PARP16: variants seen among roughly 807,000 people sequenced by gnomAD.
PARP16 encodes the protein poly(ADP-ribose) polymerase family member 16.
A neutral mutation model predicts 35.0 loss-of-function variants in PARP16; 31 were observed. That is an observed-to-expected ratio of 0.88 (90% confidence interval 0.66 to 1.19). PARP16 has a LOEUF of 1.19. Ranked by LOEUF, PARP16 falls within the 50% of genes most tolerant of loss-of-function variation. The pLI is 0.00. For missense variants in PARP16, 424 were observed against 411.2 expected, an observed-to-expected ratio of 1.03 and a Z score of -0.27; for synonymous variants, 162 against 169.5, an observed-to-expected ratio of 0.96 and a Z score of 0.34.
chr15:65,245,857 C>T (rs977152564), intron 3 of PARP16, among the ~76,000 whole-genome samples: 1 of 152,130 alleles, frequency 6.6e-6, no homozygotes, highest in Admixed American at 6.5e-5. Flanking sequence ...TTACTTTGGC[C>T]ACAACCCATT....
downstream of PARP16, among the ~76,000 whole-genome samples, chr15:65,257,829 C>T (rs1346718235): frequency 2.0e-5 from 3 of 152,108 alleles, no homozygotes; most frequent in Non-Finnish European, 2.9e-5. Flanking sequence ...GTCCATCTGC[C>T]CACCTTGCAG....
intron 1 of PARP16, among the ~76,000 whole-genome samples, chr15:65,279,797 A>G (rs2090364210): frequency 6.6e-6 from 1 of 152,178 alleles, no homozygotes; most frequent in Non-Finnish European, 1.5e-5. Context: ...TATTATCTGT[A>G]AGGAAACAAA....
Position 65,236,843 on chromosome 15 carries a change from G to A in PARP16, c.*98-2020C>T, listed in dbSNP as rs554847618. Reference sequence around the variant, plus strand: ...AAAAATTAGCTGGATGTGGTGGCGGGCACCTGTAGTCCCAGCTACTCGGGA... The same window carrying A: ...AAAAATTAGCTGGATGTGGTGGCGGACACCTGTAGTCCCAGCTACTCGGGA... On this transcript the variant is annotated intron_variant and NMD_transcript_variant, in intron 3 of 3. Transcript: ENST00000559805. Among the ~76,000 whole-genome samples the A allele has an allele frequency of 9.2e-5, 14 of 152,052 alleles. No homozygotes were observed. The South Asian group carries it at 2.9e-3, about 32-fold the overall frequency.
At chr15:65,273,775 C>T (rs1228712479) in intron 1 of PARP16, among the ~76,000 whole-genome samples, 3 of 151,364 alleles carry the variant, frequency 2.0e-5, no homozygotes, top group Non-Finnish European at 2.9e-5. Flanking sequence ...ACTCGGGAGG[C>T]TGAGGCAGGA....
intron 3 of PARP16, among the ~76,000 whole-genome samples, chr15:65,237,471 C>G (rs961556180): frequency 6.6e-6 from 1 of 152,042 alleles, no homozygotes. Context: ...GGAGGACATC[C>G]TGGATTATCT....
intron 2 of PARP16, among the ~76,000 whole-genome samples, chr15:65,266,991 C>T (rs866743205): frequency 6.6e-6 from 1 of 152,072 alleles, no homozygotes; most frequent in African/African-American, 2.4e-5. Flanking sequence ...CCTGTAATCC[C>T]AAAACTTTGG....
chr15:65,261,157 T>G, intron 4 of PARP16, 131 bp from the exon 5 acceptor site: 1 of 730,352 alleles, frequency 1.4e-6, no homozygotes, highest in Non-Finnish European at 2.2e-6. Context: ...AACAGACCTG[T>G]GTGTGCATGA....
At chr15:65,236,608 G>T (rs879907467) in intron 3 of PARP16, among the ~76,000 whole-genome samples, 1 of 152,238 alleles carries the variant, frequency 6.6e-6, no homozygotes, top group South Asian at 2.1e-4. Context: ...AAACAAGACC[G>T]CAGTGGTGGG....
chr15:65,270,530 T>G (rs1374310442), intron 2 of PARP16, among the ~76,000 whole-genome samples: 1 of 152,190 alleles, frequency 6.6e-6, no homozygotes, highest in Non-Finnish European at 1.5e-5. Context: ...CAGTGCTTGT[T>G]AAATAAAGTG....
chr15:65,256,724 T>G (rs550718899), downstream of PARP16, among the ~76,000 whole-genome samples: 1 of 152,122 alleles, frequency 6.6e-6, no homozygotes, highest in East Asian at 1.9e-4. Flanking sequence ...GCTTTTAAAG[T>G]CTTTCAAGAT....
chr15:65,264,064 G>C (rs1005343262), intron 3 of PARP16, among the ~76,000 whole-genome samples: 2 of 152,196 alleles, frequency 1.3e-5, no homozygotes, highest in South Asian at 4.2e-4. Flanking sequence ...CAAAATGAGG[G>C]AGGCCGACAT....
chr15:65,263,067 C>A, intron 4 of PARP16, 82 bp downstream of exon 4: 1 of 1,322,282 alleles, frequency 7.6e-7, no homozygotes, highest in Non-Finnish European at 1.1e-6. Flanking sequence ...GCAATGGGTG[C>A]TCTACCCAAC....
rs1394760745 is a variant in PARP16, at chr15:65,266,664, A to G, written c.417T>C (p.Tyr139=). ...EYFDPANAKF[Y]ETKGERDLIY... ...TTAGGTCTCGTTCTCCTTTGGTCTC[A>G]TAAAATTTGGCGTTGGCTGGGTCAA... Residue 139 remains tyrosine, a synonymous_variant, in exon 3 of 6, where the codon TAT becomes TAC. Coordinates refer to ENST00000649807, the MANE Select transcript of PARP16 (RefSeq NM_001316943.2). 6.2e-7 allele frequency: 1 copy of G among 1,614,130 alleles called. No homozygotes were observed. Among genetic ancestry groups the G allele is most frequent in the Admixed American group, 1.7e-5 (1 of 60,022 alleles).
intron 2 of PARP16, among the ~76,000 whole-genome samples, chr15:65,251,367 C>G (rs2089353408): frequency 6.6e-6 from 1 of 152,106 alleles, no homozygotes; most frequent in African/African-American, 2.4e-5. Context: ...AAGATCTACC[C>G]ACGTTTATTC....
chr15:65,274,952 C>T (rs2090202819), intron 1 of PARP16, among the ~76,000 whole-genome samples: 1 of 152,024 alleles, frequency 6.6e-6, no homozygotes, highest in Admixed American at 6.5e-5. Context: ...ACCATCTCTA[C>T]TAAAAATATA....
chr15:65,282,256 G>A (rs529622351), intron 1 of PARP16, among the ~76,000 whole-genome samples: 7 of 152,192 alleles, frequency 4.6e-5, no homozygotes, highest in Admixed American at 1.3e-4. Flanking sequence ...CAAATGACCC[G>A]CCCCAGCCTC....
intron 4 of PARP16, among the ~76,000 whole-genome samples, chr15:65,261,981 G>T (rs1432266145): frequency 2.0e-4 from 31 of 152,170 alleles, no homozygotes; most frequent in Admixed American, 2.0e-3. Flanking sequence ...AACTTCCTAA[G>T]AATTATAAAT....
At chr15:65,256,108 T>C (rs1370239380), downstream of PARP16, among the ~76,000 whole-genome samples, 1 of 152,222 alleles carries the variant, frequency 6.6e-6, no homozygotes, top group East Asian at 1.9e-4. Flanking sequence ...CTAGCCCTCC[T>C]CTTTGGCTTC....
At chr15:65,232,079 T>C (rs1354831463), downstream of PARP16, among the ~76,000 whole-genome samples, 5 of 152,218 alleles carry the variant, frequency 3.3e-5, no homozygotes, top group South Asian at 6.2e-4. Context: ...ACCTACCTCC[T>C]AAAGCACATA....
Sources: gnomAD v4.1 joint callset for allele counts (sites outside exome capture counted in the v4.1 genomes callset) on GRCh38, gnomAD v4.1.1 for gene constraint, MANE v1.5 for transcripts, NCBI Gene and HGNC (gene_info 2026-07-23, HGNC 2026-07-21) for gene names.